NOTCH2NLC: variants seen among roughly 807,000 people sequenced by gnomAD.
NOTCH2NLC encodes the protein notch 2 N-terminal like C, also known as notch homolog 2 N-terminal-like protein C.
In NOTCH2NLC, 4 loss-of-function variants were observed where a neutral mutation model predicts 17.7. The observed-to-expected ratio is 0.23, with a 90% CI of 0.11 to 0.52. The LOEUF (loss-of-function observed/expected upper bound fraction) is 0.52. NOTCH2NLC is among the 20% of genes least tolerant of loss of function. The pLI is 0.96. For synonymous variants in NOTCH2NLC, 18 were observed against 86.0 expected (o/e 0.21, Z 4.38); for missense variants, 57 against 207.2 (o/e 0.28, Z 4.45).
intron 1 of NOTCH2NLC, among the ~76,000 whole-genome samples, chr1:149,422,142 CA>C: frequency 1.5e-5 from 1 of 66,028 alleles, no homozygotes; most frequent in East Asian, 5.0e-4. Context: ...TCTACTTTCT[CA>C]ACTTTTCATC....
At chr1:149,413,486 A>G (rs1403206042) in intron 1 of NOTCH2NLC, among the ~76,000 whole-genome samples, 4 of 151,290 alleles carry the variant, frequency 2.6e-5, no homozygotes, top group Admixed American at 6.6e-5. Flanking sequence ...AAAGAGGGTA[A>G]TAATCTTAAC....
rs1370950336 is a variant in NOTCH2NLC, at chr1:149,461,122, A to G, written c.470-2369A>G. 2.7e-5 allele frequency among the ~76,000 whole-genome samples: 4 copies of G among 150,258 alleles called. No individual in the cohort carries two copies. The East Asian group carries it at 7.8e-4, about 29-fold the overall frequency. Reference sequence around the variant, plus strand: ...GCAAATTTTTGTAGTTTTAGAAAAGATGGCGTTTCACCATGTTGGCCAGGC... The same window carrying G: ...GCAAATTTTTGTAGTTTTAGAAAAGGTGGCGTTTCACCATGTTGGCCAGGC... On this transcript the variant is annotated intron_variant, in intron 3 of 4. Transcript: ENST00000650865.
chr1:149,428,580 G>C (rs1261107148), intron 1 of NOTCH2NLC, among the ~76,000 whole-genome samples: 2 of 151,004 alleles, frequency 1.3e-5, no homozygotes, highest in African/African-American at 4.9e-5. Flanking sequence ...AGTCATGGGT[G>C]GCTGGGTCAC....
At position 149,419,908 on chromosome 1, in the gene NOTCH2NLC, C is replaced by T. The variant is rs1408859661; in HGVS notation, c.136-11034C>T. 2.3e-5 allele frequency among the ~76,000 whole-genome samples: 3 copies of T among 131,518 alleles called. No individual in the cohort carries two copies. In the East Asian group the frequency reaches 7.1e-4, roughly 31 times the overall value. The allele number at this position is 131,518 out of a possible 152,430, so 86.3% of individuals were successfully genotyped here. On this transcript the variant is annotated intron_variant, in intron 1 of 4. Transcript: ENST00000650865. ...CTCAGGCAGAGTCTTGCTGTGTCGCCCAGGCTGGAGTGCAGTGGCACAATC... is the reference window on the plus strand; with the variant it reads ...CTCAGGCAGAGTCTTGCTGTGTCGCTCAGGCTGGAGTGCAGTGGCACAATC...
At chr1:149,394,960 CT>C (rs2084196597) in intron 1 of NOTCH2NLC, among the ~76,000 whole-genome samples, 1 of 146,068 alleles carries the variant, frequency 6.8e-6, no homozygotes, top group African/African-American at 2.5e-5. Flanking sequence ...GTTTGGTGAC[CT>C]TGTAGGAGAG....
In NOTCH2NLC at chr1:149,408,598, A is replaced by T. The variant is rs1242343470; in HGVS notation, c.135+17676A>T. Among the ~76,000 whole-genome samples, 226 of 151,430 alleles carry T rather than the reference A, an allele frequency of 1.5e-3. 5 individuals carry two copies. The highest frequency in any genetic ancestry group is 5.1e-3 in the African/African-American group (211 of 41,360). The stretch of plus-strand genomic sequence containing the variant: ...AGAGCCTGTGGGAACTGTGACTGAT[A>T]CATTTCAGGGAATAAAATGTATGAT... On this transcript the variant is annotated intron_variant, in intron 1 of 4. Coordinates refer to ENST00000650865, the MANE Select transcript of NOTCH2NLC (RefSeq NM_001364013.2).
At chr1:149,418,681 T>A (rs2084359540) in intron 1 of NOTCH2NLC, among the ~76,000 whole-genome samples, 1 of 123,898 alleles carries the variant, frequency 8.1e-6, no homozygotes, top group Admixed American at 8.3e-5. Context: ...GACTTGGTTA[T>A]CCTCTCTCGG....
chr1:149,463,190 A>G (rs1380375055), intron 3 of NOTCH2NLC, among the ~76,000 whole-genome samples: 1 of 150,410 alleles, frequency 6.6e-6, no homozygotes, highest in Non-Finnish European at 1.5e-5. Context: ...GAGAGAGTAG[A>G]TGGATCCAGA....
rs1287746418 is a variant in NOTCH2NLC at position 149,461,442 on chromosome 1, AT to A, written c.470-2046del. On this transcript the variant is annotated intron_variant, in intron 3 of 4. Coordinates refer to ENST00000650865, the MANE Select transcript of NOTCH2NLC (RefSeq NM_001364013.2). ...ATTTGTGTTATAGTTTTCTCCTTTG[AT>A]TTGACATTCCTTGATAGGCAGAGAG... Among the ~76,000 whole-genome samples, 66 of 149,610 alleles carry A rather than the reference AT, an allele frequency of 4.4e-4. 1 individual carries two copies. The highest frequency in any genetic ancestry group is 6.9e-3 in the Middle Eastern group (2 of 288).
intron 1 of NOTCH2NLC, among the ~76,000 whole-genome samples, chr1:149,425,057 A>T (rs1412998305): frequency 3.3e-5 from 5 of 151,226 alleles, no homozygotes; most frequent in Non-Finnish European, 7.4e-5. Flanking sequence ...CACAAAGAAG[A>T]TACAGAGATA....
chr1:149,421,547 C>A (rs2084379981), intron 1 of NOTCH2NLC, among the ~76,000 whole-genome samples: 1 of 119,240 alleles, frequency 8.4e-6, no homozygotes, highest in Admixed American at 8.1e-5. Context: ...TTACTAAAAG[C>A]ACAGGAAATT....
At chr1:149,449,474 A>AC (rs1387436910) in intron 2 of NOTCH2NLC, among the ~76,000 whole-genome samples, 1 of 148,062 alleles carries the variant, frequency 6.8e-6, no homozygotes, top group Non-Finnish European at 1.5e-5. Flanking sequence ...AATACGCCAA[A>AC]CCATTGAATC....
chr1:149,392,903 C>G (rs1315832659), intron 1 of NOTCH2NLC, among the ~76,000 whole-genome samples: 1 of 150,174 alleles, frequency 6.7e-6, no homozygotes, highest in Admixed American at 6.6e-5. Context: ...AACCCCGTCT[C>G]TACTAAAAAT....
intron 1 of NOTCH2NLC, among the ~76,000 whole-genome samples, chr1:149,393,272 TA>T (rs1440231442): frequency 6.6e-6 from 1 of 150,610 alleles, no homozygotes; most frequent in African/African-American, 2.4e-5. Context: ...GGATAGGATT[TA>T]GATATTTTGA....
chr1:149,421,549 C>A (rs1299057195), intron 1 of NOTCH2NLC, among the ~76,000 whole-genome samples: 6 of 111,438 alleles, frequency 5.4e-5, no homozygotes, highest in Admixed American at 1.7e-4. Context: ...ACTAAAAGCA[C>A]AGGAAATTGG....
At chr1:149,445,773 A>G (rs2084548294) in intron 2 of NOTCH2NLC, among the ~76,000 whole-genome samples, 3 of 149,972 alleles carry the variant, frequency 2.0e-5, no homozygotes, top group Admixed American at 6.7e-5. Flanking sequence ...CACATTCTGT[A>G]TAGTTTTTTT....
chr1:149,419,055 CT>C lies in NOTCH2NLC; in HGVS notation c.136-11879del, dbSNP rs1164824221. Among the ~76,000 whole-genome samples the C allele has an allele frequency of 5.7e-4, 78 of 137,374 alleles. No individual in the cohort carries two copies. The East Asian group carries it at 6.8e-3, about 12-fold the overall frequency. 90.1% of individuals were successfully genotyped at this position (137,374 alleles called of 152,430 possible). A position where few individuals can be genotyped will look rare whatever the true frequency, so the allele number is the denominator to read the frequency against. ...CTCTCTCTCCTTTCTTTTTTTCTTT[CT>C]TTTTTTTCTTTTCTTTTCTTTCTTT... On this transcript the variant is annotated intron_variant, in intron 1 of 4. Transcript: ENST00000650865.
chr1:149,454,625 T>C (rs1428417514), intron 2 of NOTCH2NLC, among the ~76,000 whole-genome samples: 2 of 151,280 alleles, frequency 1.3e-5, no homozygotes, highest in African/African-American at 4.9e-5. Context: ...TGCCTTTTTA[T>C]TTGGTTAAAA....
At position 149,467,157 on chromosome 1, in the gene NOTCH2NLC, A is replaced by G. The variant is rs1326886011; in HGVS notation, c.*3004A>G. 7.1e-5 allele frequency: 4 copies of G among 56,394 alleles called. 1 individual carries two copies. The highest frequency in any genetic ancestry group is 6.7e-5 in the Non-Finnish European group (2 of 29,740). The allele number at this position is 56,394 out of a possible 1,614,324, so 3.5% of individuals were successfully genotyped here. On this transcript the variant is annotated 3_prime_UTR_variant, in exon 5 of 5. Transcript: ENST00000650865. ...GTATGGTTTAGTATCATGTCATAGT[A>G]TTGAGACTGTAACTTTGGTCTTCTC...
Sources: gnomAD v4.1 joint callset for allele counts (sites outside exome capture counted in the v4.1 genomes callset) on GRCh38, gnomAD v4.1.1 for gene constraint, MANE v1.5 for transcripts, NCBI Gene and HGNC (gene_info 2026-07-23, HGNC 2026-07-21) for gene names.